Variants in PCDH9 observed in about 807,000 individuals in gnomAD.
PCDH9 encodes the protein protocadherin 9, also known as protocadherin-9.
PCDH9 carries 24 observed loss-of-function variants against 70.6 expected under a neutral mutation model. That is an observed-to-expected ratio of 0.34 (90% CI 0.25 to 0.48). The LOEUF (loss-of-function observed/expected upper bound fraction) is 0.48. Among genes scored for constraint, PCDH9 ranks in the 20% least tolerant of loss-of-function variants. PCDH9 has a pLI of 0.99. For missense variants in PCDH9, 1,281 were observed against 1,503.6 expected (o/e 0.85, Z 2.45); for synonymous variants, 562 against 558.5 (o/e 1.01, Z -0.09).
chr13:66,612,011 T>C (rs544383916), intron 4 of PCDH9, among the ~76,000 whole-genome samples: 6 of 152,332 alleles, frequency 3.9e-5, no homozygotes, highest in African/African-American at 1.4e-4. Context: ...GTTAAAAGTG[T>C]ATTTTATGGA....
At chr13:66,614,292 A>G (rs1373514254) in intron 4 of PCDH9, among the ~76,000 whole-genome samples, 2 of 152,242 alleles carry the variant, frequency 1.3e-5, no homozygotes, top group African/African-American at 4.8e-5. Context: ...AGAATTGTGG[A>G]AATTAATCTT....
At chr13:67,010,325 A>G (rs2084429538) in intron 2 of PCDH9, among the ~76,000 whole-genome samples, 1 of 151,926 alleles carries the variant, frequency 6.6e-6, no homozygotes, top group Non-Finnish European at 1.5e-5. Context: ...AATTTACCTA[A>G]TCAGGTAAAT....
intron 3 of PCDH9, among the ~76,000 whole-genome samples, chr13:66,835,368 C>A (rs1271125697): frequency 6.6e-6 from 1 of 152,072 alleles, no homozygotes; most frequent in African/African-American, 2.4e-5. Context: ...TCAGATTAGG[C>A]TGAAAGCCTC....
intron 2 of PCDH9, among the ~76,000 whole-genome samples, chr13:66,957,584 C>A (rs2040442276): frequency 6.6e-6 from 1 of 152,014 alleles, no homozygotes; most frequent in South Asian, 2.1e-4. Context: ...GCAGATGGGG[C>A]CTTTGGGAGA....
intron 4 of PCDH9, among the ~76,000 whole-genome samples, chr13:66,388,862 C>T (rs1956973687): frequency 6.6e-6 from 1 of 152,136 alleles, no homozygotes; most frequent in Admixed American, 6.6e-5. Context: ...AATATGTACA[C>T]AGTAGGTCCA....
At chr13:67,090,749 C>T (rs754019438) in intron 2 of PCDH9, among the ~76,000 whole-genome samples, 4 of 151,918 alleles carry the variant, frequency 2.6e-5, no homozygotes, top group East Asian at 1.9e-4. Context: ...GGGTATATTA[C>T]AACACGAAAA....
At chr13:67,214,935 GATATATATATATATATATATATATATAT>G (rs66460017) in intron 2 of PCDH9, 1 of 89,244 alleles carries the variant, frequency 1.1e-5, no homozygotes, top group African/African-American at 4.5e-5. Context: ...TTGCGAGCCA[GATATATATATATATATATATATATATAT>G]ATATATATAT....
At chr13:67,163,491 G>A (rs980899263) in intron 2 of PCDH9, among the ~76,000 whole-genome samples, 1 of 152,060 alleles carries the variant, frequency 6.6e-6, no homozygotes, top group African/African-American at 2.4e-5. Flanking sequence ...AAATTTCAGA[G>A]CGCATTTGGT....
intron 3 of PCDH9, among the ~76,000 whole-genome samples, chr13:66,638,064 C>G (rs2077662567): frequency 6.6e-6 from 1 of 152,214 alleles, no homozygotes; most frequent in South Asian, 2.1e-4. Flanking sequence ...AAGGTATTAG[C>G]ATTGCTCATT....
intron 3 of PCDH9, among the ~76,000 whole-genome samples, chr13:66,646,131 C>A (rs1566478797): frequency 6.6e-6 from 1 of 152,226 alleles, no homozygotes; most frequent in Non-Finnish European, 1.5e-5. Context: ...CTAGATGTTA[C>A]TGAAACATGT....
At chr13:66,544,681 T>C (rs1386016972) in intron 4 of PCDH9, among the ~76,000 whole-genome samples, 1 of 152,044 alleles carries the variant, frequency 6.6e-6, no homozygotes, top group African/African-American at 2.4e-5. Flanking sequence ...GAAGGACAGG[T>C]TATTTAGAAC....
intron 2 of PCDH9, among the ~76,000 whole-genome samples, chr13:66,964,091 T>C (rs1488243373): frequency 6.6e-6 from 1 of 152,134 alleles, no homozygotes; most frequent in East Asian, 1.9e-4. Context: ...ATATAAATAG[T>C]GCAAACTTAG....
intron 2 of PCDH9, among the ~76,000 whole-genome samples, chr13:67,070,610 C>G (rs1293764112): frequency 6.6e-6 from 1 of 152,122 alleles, no homozygotes; most frequent in Non-Finnish European, 1.5e-5. Context: ...CCTGTTTCAT[C>G]TAAGCATTGC....
intron 2 of PCDH9, among the ~76,000 whole-genome samples, chr13:66,936,434 AT>A (rs959844522): frequency 2.8e-4 from 42 of 152,282 alleles, no homozygotes; most frequent in Admixed American, 7.2e-4. Context: ...GAAAGTTTTA[AT>A]TTTTTTAAAG....
At position 66,384,246 on chromosome 13, in the gene PCDH9, G is replaced by A. The variant is rs117479776; in HGVS notation, c.3341-79218C>T. 4.6e-5 allele frequency among the ~76,000 whole-genome samples: 7 copies of A among 152,082 alleles called. No homozygotes were observed. The East Asian group carries it at 1.4e-3, about 29-fold the overall frequency. On this transcript the variant is annotated intron_variant, in intron 4 of 4. Coordinates refer to ENST00000377865, the MANE Select transcript of PCDH9 (RefSeq NM_203487.3). ...TCCAATTTTATAGATGAATTCTATT[G>A]GAATTTGATTATAGTTCCAGAGAGT...
At chr13:67,146,151 A>G (rs1411033803) in intron 2 of PCDH9, among the ~76,000 whole-genome samples, 3 of 152,124 alleles carry the variant, frequency 2.0e-5, no homozygotes, top group Admixed American at 6.5e-5. Context: ...AATGTCTTCA[A>G]ATGTTTCCAG....
intron 4 of PCDH9, among the ~76,000 whole-genome samples, chr13:66,488,317 C>T (rs1345455172): frequency 6.6e-6 from 1 of 152,114 alleles, no homozygotes; most frequent in East Asian, 1.9e-4. Flanking sequence ...TGCAATACCA[C>T]AGATAATTCT....
intron 2 of PCDH9, among the ~76,000 whole-genome samples, chr13:67,039,586 T>C (rs557983198): frequency 6.6e-6 from 1 of 152,216 alleles, no homozygotes; most frequent in Non-Finnish European, 1.5e-5. Context: ...AGTGCTTTGG[T>C]GTTCAGCTTT....
intron 2 of PCDH9, among the ~76,000 whole-genome samples, chr13:67,004,253 T>C (rs1015927182): frequency 1.3e-5 from 2 of 152,092 alleles, no homozygotes; most frequent in Non-Finnish European, 2.9e-5. Flanking sequence ...CCACAAAATA[T>C]TGGCTTCTTA....
Sources: allele counts gnomAD v4.1 joint callset (sites outside exome capture counted in the v4.1 genomes callset), GRCh38; gene constraint gnomAD v4.1.1; transcripts MANE v1.5; gene names NCBI Gene and HGNC (gene_info 2026-07-23, HGNC 2026-07-21).